Variants in ABCC8 observed in about 807,000 individuals in gnomAD.
The protein encoded by ABCC8 is ATP-binding cassette sub-family C member 8.
ABCC8 carries 137 observed loss-of-function variants against 188.0 expected under a neutral mutation model. The observed-to-expected ratio is 0.73, with a 90% CI of 0.63 to 0.84. ABCC8 has a LOEUF of 0.84. ABCC8 is among the 40% of genes least tolerant of loss of function. The probability of loss-of-function intolerance (pLI) is 0.00; values close to 1 mark genes in which losing one functional copy is unlikely to be tolerated. For synonymous variants in ABCC8, 797 were observed against 846.5 expected, an observed-to-expected ratio of 0.94 and a Z score of 1.01; for missense variants, 1,750 against 2,072.7, an observed-to-expected ratio of 0.84 and a Z score of 3.02.
chr11:17,443,254 G>T lies in ABCC8; in HGVS notation c.1391C>A (p.Ala464Glu). The T allele has an allele frequency of 6.2e-7, 1 of 1,614,162 alleles. No homozygotes were observed. The change falls in exon 9 of 39, where the codon GCA (alanine) becomes GAA (glutamate). Residue 464 changes from alanine (A) to glutamate (E), a missense_variant. Ala to Glu is a moderately radical substitution (Grantham distance 107, BLOSUM62 -1). Coordinates refer to ENST00000389817, the MANE Select transcript of ABCC8 (RefSeq NM_000352.6). ...AGGAGCCAGTAGAATGATGACAGCT[G>T]CTCCAATTAAGGCACTGACTCCGAG... ...YILGVSALIG[A>E]AVIILLAPVQ... is the part of the protein sequence containing the mutation.
intron 6 of ABCC8, among the ~76,000 whole-genome samples, chr11:17,454,470 A>G (rs2057660): frequency 0.11 from 17,369 of 152,112 alleles, 3,229 homozygotes; most frequent in African/African-American, 0.39. Flanking sequence ...TCTAAGAGGA[A>G]GGCCCTACCG....
At chr11:17,440,894 C>A (rs746869817) in intron 10 of ABCC8, among the ~76,000 whole-genome samples, 3 of 152,186 alleles carry the variant, frequency 2.0e-5, no homozygotes, top group African/African-American at 7.2e-5. Context: ...AGTGGGACAG[C>A]TTGGTGGCCA....
At chr11:17,406,847 C>A (rs1227717539) in intron 25 of ABCC8, 41 bp downstream of exon 25, 3 of 1,614,176 alleles carry the variant, frequency 1.9e-6, no homozygotes. Context: ...GCCCTTCCCC[C>A]ATCCCCACTC....
At chr11:17,400,712 G>A (rs1055720909) in intron 29 of ABCC8, among the ~76,000 whole-genome samples, 2 of 152,208 alleles carry the variant, frequency 1.3e-5, no homozygotes, top group East Asian at 1.9e-4. Flanking sequence ...CAAGCTCAGC[G>A]CCAGCCCCCG....
chr11:17,427,824 G>C lies in ABCC8; in HGVS notation c.2116+43C>G. 6.2e-7 allele frequency: 1 copy of C among 1,610,328 alleles called. No individual in the cohort carries two copies. On this transcript the variant is annotated intron_variant, in intron 15 of 38. Transcript: ENST00000389817. This position sits in a 1 kb window ranked among gnomAD's most constrained non-coding sequence, Gnocchi z 5.0. ...CTTTTTATCTCTATGTTATTCAGTG[G>C]GACATGGGGAGGGGCATGCTGGAGG...
At chr11:17,424,607 C>A (rs912690094) in intron 16 of ABCC8, among the ~76,000 whole-genome samples, 2 of 152,150 alleles carry the variant, frequency 1.3e-5, no homozygotes, top group African/African-American at 4.8e-5. Context: ...GGCAAAGGGA[C>A]CAGGTTCAGA....
chr11:17,411,224 T>A (rs1954790275), intron 21 of ABCC8, among the ~76,000 whole-genome samples: 1 of 152,232 alleles, frequency 6.6e-6, no homozygotes, highest in Non-Finnish European at 1.5e-5. Flanking sequence ...CCAGATCTGA[T>A]CATTGTTTGT....
At chr11:17,401,787 A>G (rs1274723541) in intron 29 of ABCC8, among the ~76,000 whole-genome samples, 1 of 152,176 alleles carries the variant, frequency 6.6e-6, no homozygotes, top group African/African-American at 2.4e-5. Context: ...CTCATTCCCC[A>G]GGCAACCTCA....
intron 20 of ABCC8, 154 bp from the exon 21 acceptor site, chr11:17,412,900 G>T: frequency 6.7e-7 from 1 of 1,481,810 alleles, no homozygotes; most frequent in South Asian, 1.3e-5. Context: ...ACTTGCACGT[G>T]TTTACTGAAT....
chr11:17,397,920 A>T, intron 30 of ABCC8, 123 bp from the exon 31 acceptor site: 1 of 1,516,268 alleles, frequency 6.6e-7, no homozygotes, highest in Admixed American at 2.0e-5. Flanking sequence ...CCTGCAACTC[A>T]TGCACACGTC....
chr11:17,463,152 C>A lies in ABCC8; in HGVS notation c.579+286G>T, dbSNP rs76517733. 0.013 allele frequency among the ~76,000 whole-genome samples: 2,025 copies of A among 152,182 alleles called. 42 individuals carry two copies. The highest frequency in any genetic ancestry group is 0.047 in the African/African-American group (1,953 of 41,498). On this transcript the variant is annotated intron_variant, in intron 4 of 38. Coordinates refer to ENST00000389817, the MANE Select transcript of ABCC8 (RefSeq NM_000352.6). ...AGAAAGAAAGTAGGAGAGGCCAGTG[C>A]CTGATGCTTATCTTCCCTTTCTACG...
At chr11:17,447,712 C>T (rs1956592669) in intron 8 of ABCC8, among the ~76,000 whole-genome samples, 1 of 152,172 alleles carries the variant, frequency 6.6e-6, no homozygotes, top group Non-Finnish European at 1.5e-5. Context: ...GTAATCTTCC[C>T]ACCTCAGCCT....
At chr11:17,393,241 C>T in intron 38 of ABCC8, 113 bp from the exon 39 acceptor site, 4 of 1,432,564 alleles carry the variant, frequency 2.8e-6, no homozygotes, top group Middle Eastern at 1.9e-4. Context: ...GGCATGTGGC[C>T]AGAATGTCCT....
At chr11:17,408,858 C>T (rs1954667913) in intron 22 of ABCC8, among the ~76,000 whole-genome samples, 1 of 152,184 alleles carries the variant, frequency 6.6e-6, no homozygotes, top group Non-Finnish European at 1.5e-5. Flanking sequence ...CCCTTAGCTC[C>T]TCTTGACGGC....
chr11:17,415,291 C>CA lies in ABCC8; in HGVS notation c.2291+12dup. 6.2e-7 allele frequency: 1 copy of CA among 1,606,578 alleles called. No homozygotes were observed. The highest frequency in any genetic ancestry group is 8.5e-7 in the Non-Finnish European group (1 of 1,177,350). ...AGTTGACCCTGGGGGGCAATGTTCCCAGGACGCAGTACCTGATATCCAAGT... is the reference window on the plus strand; with the variant it reads ...AGTTGACCCTGGGGGGCAATGTTCCCAAGGACGCAGTACCTGATATCCAAGT... On this transcript the variant is annotated intron_variant, in intron 18 of 38. Coordinates refer to ENST00000389817, the MANE Select transcript of ABCC8 (RefSeq NM_000352.6).
At chr11:17,419,891 G>A (rs1042525472) in intron 16 of ABCC8, among the ~76,000 whole-genome samples, 2 of 152,192 alleles carry the variant, frequency 1.3e-5, no homozygotes, top group African/African-American at 4.8e-5. Flanking sequence ...CCTTTACTTG[G>A]AGGAGCCTCT....
intron 22 of ABCC8, among the ~76,000 whole-genome samples, chr11:17,409,777 T>C (rs1407156313): frequency 1.3e-5 from 2 of 152,206 alleles, no homozygotes; most frequent in African/African-American, 4.8e-5. Context: ...TTCTAATGAA[T>C]CAAAAAGTAA....
At chr11:17,412,274 G>A (rs1954847799) in intron 21 of ABCC8, among the ~76,000 whole-genome samples, 1 of 152,190 alleles carries the variant, frequency 6.6e-6, no homozygotes, top group South Asian at 2.1e-4. Context: ...AAGTTCCATG[G>A]GAAATAATGC....
chr11:17,398,009 T>G, intron 30 of ABCC8: 1 of 562,878 alleles, frequency 1.8e-6, no homozygotes, highest in Non-Finnish European at 2.3e-6. Context: ...CCCTACCCCC[T>G]AGCCCCTGCA....
Sources: gnomAD v4.1 joint callset for allele counts (sites outside exome capture counted in the v4.1 genomes callset) on GRCh38, gnomAD v4.1.1 for gene constraint, Gnocchi (gnomAD v3.1) non-coding constraint, MANE v1.5 for transcripts, NCBI Gene and HGNC (gene_info 2026-07-23, HGNC 2026-07-21) for gene names.